METTL15: variants seen among roughly 807,000 people sequenced by gnomAD.
METTL15 encodes 12S rRNA N(4)-cytidine methyltransferase METTL15.
METTL15 carries 34 observed loss-of-function variants against 38.3 expected under a neutral mutation model. The ratio of observed to expected loss-of-function variants is 0.89; its 90% CI spans 0.68 to 1.18. METTL15 has a LOEUF of 1.18. METTL15 is among the 50% of genes most tolerant of loss of function. The pLI is 0.00. For missense variants in METTL15, 438 were observed against 498.4 expected (o/e 0.88, Z 1.15); for synonymous variants, 162 against 170.9 (o/e 0.95, Z 0.41).
chr11:28,487,785 T>C (rs1392690578), intron 6 of METTL15, among the ~76,000 whole-genome samples: 2 of 152,176 alleles, frequency 1.3e-5, no homozygotes, highest in East Asian at 3.8e-4. Context: ...CACTAGCTCC[T>C]TTCCTTGGCC....
intron 4 of METTL15, among the ~76,000 whole-genome samples, chr11:28,243,272 T>G (rs1854377864): frequency 6.6e-6 from 1 of 152,160 alleles, no homozygotes; most frequent in Admixed American, 6.5e-5. Flanking sequence ...AAGTCAGCTG[T>G]GGAAATATTG....
At chr11:28,339,533 CAA>C (rs147944774) in intron 3 of METTL15, among the ~76,000 whole-genome samples, 3 of 117,972 alleles carry the variant, frequency 2.5e-5, no homozygotes, top group East Asian at 2.4e-4. Context: ...AAAGAGAATG[CAA>C]AAAAAAAAAA....
intron 5 of METTL15, among the ~76,000 whole-genome samples, chr11:28,373,625 G>T (rs1356222295): frequency 1.3e-5 from 2 of 152,070 alleles, no homozygotes; most frequent in South Asian, 2.1e-4. Context: ...AGTTTAATTA[G>T]TTTAATTAAT....
chr11:28,525,758 C>T (rs1160865003), intron 6 of METTL15, among the ~76,000 whole-genome samples: 4 of 152,266 alleles, frequency 2.6e-5, no homozygotes, highest in South Asian at 2.1e-4. Context: ...GCACCGGGGC[C>T]GCAGGTGGAG....
intron 6 of METTL15, among the ~76,000 whole-genome samples, chr11:28,299,745 G>T (rs990947770): frequency 6.6e-6 from 1 of 152,114 alleles, no homozygotes; most frequent in Non-Finnish European, 1.5e-5. Context: ...TACAAACTTT[G>T]TGCCTTAAAA....
intron 3 of METTL15, among the ~76,000 whole-genome samples, chr11:28,167,527 T>G (rs1425255399): frequency 6.6e-6 from 1 of 152,116 alleles, no homozygotes; most frequent in Non-Finnish European, 1.5e-5. Context: ...TAACTGTCCC[T>G]GAGTCTTAGC....
At chr11:28,312,038 T>C (rs2134028359) in intron 6 of METTL15, among the ~76,000 whole-genome samples, 1 of 152,224 alleles carries the variant, frequency 6.6e-6, no homozygotes, top group Non-Finnish European at 1.5e-5. Flanking sequence ...TTTGTTGAAG[T>C]TGTTATTCCC....
intron 4 of METTL15, among the ~76,000 whole-genome samples, chr11:28,358,776 T>A (rs1258295347): frequency 2.0e-5 from 3 of 152,196 alleles, no homozygotes; most frequent in African/African-American, 7.2e-5. Context: ...TAAAGATGTG[T>A]TTGTTAAATG....
intron 5 of METTL15, among the ~76,000 whole-genome samples, chr11:28,403,248 A>T (rs1171584704): frequency 6.6e-6 from 1 of 151,998 alleles, no homozygotes; most frequent in Non-Finnish European, 1.5e-5. Context: ...TGGGCCAAAT[A>T]GCATGATAAG....
intron 3 of METTL15, among the ~76,000 whole-genome samples, chr11:28,209,887 A>G (rs1227958496): frequency 1.3e-5 from 2 of 152,028 alleles, no homozygotes; most frequent in Non-Finnish European, 2.9e-5. Flanking sequence ...ATGTTTAGAT[A>G]TTTTTAAATC....
intron 3 of METTL15, among the ~76,000 whole-genome samples, chr11:28,167,908 G>T (rs1196916704): frequency 1.3e-5 from 2 of 151,866 alleles, no homozygotes; most frequent in Non-Finnish European, 2.9e-5. Context: ...TTTAGCCTTT[G>T]AAGTGGTGGA....
chr11:28,424,168 A>C (rs946308709), intron 5 of METTL15: 1 of 152,166 alleles, frequency 6.6e-6, no homozygotes, highest in South Asian at 2.1e-4. Context: ...AGACATAATG[A>C]CTGAAAAATT....
At position 28,484,860 on chromosome 11, in the gene METTL15, G is replaced by A. The variant is rs74610015; in HGVS notation, c.*425-41618G>A. ...CAAAGGGTTTCTAAACAGTCTGGCC[G>A]TCCCACACCAGGGTTTAATGGCCTA... On this transcript the variant is annotated intron_variant and NMD_transcript_variant, in intron 6 of 7. Transcript: ENST00000532947. Among the ~76,000 whole-genome samples the A allele has an allele frequency of 1.6e-3, 246 of 152,190 alleles. 1 individual carries two copies. Among genetic ancestry groups the A allele is most frequent in the African/African-American group, 5.5e-3 (230 of 41,536 alleles).
intron 3 of METTL15, among the ~76,000 whole-genome samples, chr11:28,155,682 A>G (rs780937302): frequency 6.6e-6 from 1 of 152,186 alleles, no homozygotes; most frequent in Non-Finnish European, 1.5e-5. Flanking sequence ...TAGATCTTGG[A>G]TAAAGACTGT....
At chr11:28,329,022 G>C (rs912386421) in intron 6 of METTL15, among the ~76,000 whole-genome samples, 2 of 152,048 alleles carry the variant, frequency 1.3e-5, no homozygotes, top group African/African-American at 4.8e-5. Flanking sequence ...TCATATCTAA[G>C]AATCTTTTGC....
At chr11:28,388,785 C>T (rs1850468732) in intron 5 of METTL15, among the ~76,000 whole-genome samples, 1 of 152,076 alleles carries the variant, frequency 6.6e-6, no homozygotes. Context: ...CACCCATTAA[C>T]TCGTCGTTTA....
rs542957258 is a variant in METTL15 at position 28,390,497 on chromosome 11, A to G, written c.*358+28461A>G. On this transcript the variant is annotated intron_variant and NMD_transcript_variant, in intron 5 of 7. Coordinates refer to the METTL15 transcript ENST00000532947. The stretch of plus-strand genomic sequence containing the variant: ...TTATTAAATAGGGAATCCTTTCCCC[A>G]TTGCTTGTTTTTCTCAGGTTTGTCA... Among the ~76,000 whole-genome samples, 637 of 152,240 alleles carry G rather than the reference A, an allele frequency of 4.2e-3. 4 individuals are homozygous for G. The highest frequency in any genetic ancestry group is 7.1e-3 in the Non-Finnish European group (486 of 68,020).
chr11:28,291,426 G>A (rs1449634296), intron 5 of METTL15, among the ~76,000 whole-genome samples: 2 of 152,058 alleles, frequency 1.3e-5, no homozygotes, highest in African/African-American at 4.8e-5. Context: ...TACTGACCTA[G>A]GGAATGGACA....
chr11:28,269,957 A>G (rs752538035), intron 4 of METTL15, among the ~76,000 whole-genome samples: 6 of 152,208 alleles, frequency 3.9e-5, no homozygotes, highest in Admixed American at 1.3e-4. Flanking sequence ...TGTTCTTCAA[A>G]CCCTGTATAA....
Sources: allele counts gnomAD v4.1 joint callset (sites outside exome capture counted in the v4.1 genomes callset), GRCh38; gene constraint gnomAD v4.1.1; transcripts MANE v1.5; gene names NCBI Gene and HGNC (gene_info 2026-07-23, HGNC 2026-07-21).